CBLL1: variants seen among roughly 807,000 people sequenced by gnomAD.
CBLL1 encodes E3 ubiquitin-protein ligase Hakai.
A neutral mutation model predicts 44.9 loss-of-function variants in CBLL1; 4 were observed. The observed-to-expected ratio is 0.09, with a 90% CI of 0.04 to 0.20. CBLL1 has a LOEUF of 0.20. Among genes scored for constraint, CBLL1 ranks in the 10% least tolerant of loss-of-function variants. The probability of loss-of-function intolerance (pLI) is 1.00; values close to 1 mark genes in which losing one functional copy is unlikely to be tolerated. For missense variants in CBLL1, 569 were observed against 636.7 expected, an observed-to-expected ratio of 0.89 and a Z score of 1.14; for synonymous variants, 235 against 202.2, an observed-to-expected ratio of 1.16 and a Z score of -1.38.
intron 1 of CBLL1, chr7:107,744,970 A>G (rs1428140563): frequency 6.6e-6 from 1 of 152,176 alleles, no homozygotes; most frequent in East Asian, 1.9e-4. Context: ...TAGAGAAAAA[A>G]AGGCTTTTTC....
intron 1 of CBLL1, among the ~76,000 whole-genome samples, chr7:107,747,178 C>T (rs2115590608): frequency 6.6e-6 from 1 of 152,260 alleles, no homozygotes; most frequent in South Asian, 2.1e-4. Context: ...AAATGCTGTA[C>T]CTCATGAACT....
chr7:107,744,251 A>G (rs1792883815), intron 1 of CBLL1, 75 bp downstream of exon 1: 1 of 1,459,548 alleles, frequency 6.9e-7, no homozygotes, highest in Non-Finnish European at 9.2e-7. Context: ...CACAGCAGGC[A>G]AAAGGGATTA....
At position 107,759,872 on chromosome 7, in the gene CBLL1, G is replaced by A. The variant is rs1399373392; in HGVS notation, c.*694G>A. 1 of 152,220 alleles carries A rather than the reference G, an allele frequency of 6.6e-6. No homozygotes were observed. The highest frequency in any genetic ancestry group is 1.5e-5 in the Non-Finnish European group (1 of 67,994). The allele number at this position is 152,220 out of a possible 1,614,324, so 9.4% of individuals were successfully genotyped here. A position where few individuals can be genotyped will look rare whatever the true frequency, so the allele number is the denominator to read the frequency against. ...GGAATTCTAGTACTAAGATATATTT[G>A]TTCGTAATGTTAAAAGACATTACTA... On this transcript the variant is annotated 3_prime_UTR_variant, in exon 6 of 6. Coordinates refer to ENST00000440859, the MANE Select transcript of CBLL1 (RefSeq NM_024814.4).
chr7:107,750,966 A>G (rs1261786154), intron 2 of CBLL1, among the ~76,000 whole-genome samples: 2 of 151,906 alleles, frequency 1.3e-5, no homozygotes, highest in Non-Finnish European at 2.9e-5. Context: ...AAGGGGAAAA[A>G]AGGTGGGGTC....
At chr7:107,756,481 T>TA (rs1439150890) in intron 5 of CBLL1, among the ~76,000 whole-genome samples, 1 of 152,204 alleles carries the variant, frequency 6.6e-6, no homozygotes, top group African/African-American at 2.4e-5. Flanking sequence ...TATAGAATTA[T>TA]AATTCAGAAG....
Position 107,759,381 on chromosome 7 carries a change from G to A in CBLL1, c.*203G>A. Reference sequence around the variant, plus strand: ...TACTGTAGTACAGATAAGTGGCTCAGTTGAGCACAGCTATATTTTAACATC... The same window carrying A: ...TACTGTAGTACAGATAAGTGGCTCAATTGAGCACAGCTATATTTTAACATC... On this transcript the variant is annotated 3_prime_UTR_variant, in exon 6 of 6. Transcript: ENST00000440859. The A allele has an allele frequency of 2.2e-6, 1 of 460,044 alleles. No homozygotes were observed. Among genetic ancestry groups the A allele is most frequent in the Admixed American group, 3.8e-5 (1 of 26,310 alleles). The allele number at this position is 460,044 out of a possible 1,614,324, so 28.5% of individuals were successfully genotyped here. A position where few individuals can be genotyped will look rare whatever the true frequency, so the allele number is the denominator to read the frequency against.
At chr7:107,757,322 G>GTA (rs1221121105) in intron 5 of CBLL1, among the ~76,000 whole-genome samples, 1 of 152,088 alleles carries the variant, frequency 6.6e-6, no homozygotes, top group Non-Finnish European at 1.5e-5. Flanking sequence ...TAACCTCATT[G>GTA]TATAAATGAA....
chr7:107,745,164 T>C (rs1263937962), intron 1 of CBLL1, among the ~76,000 whole-genome samples: 1 of 152,220 alleles, frequency 6.6e-6, no homozygotes, highest in African/African-American at 2.4e-5. Flanking sequence ...TTCTGTTTTA[T>C]GGAGGAACAC....
chr7:107,744,331 G>T (rs568945455), intron 1 of CBLL1, 155 bp downstream of exon 1: 4 of 973,260 alleles, frequency 4.1e-6, no homozygotes, highest in East Asian at 3.2e-5. Flanking sequence ...TGCCCGGCAG[G>T]GGCCTGCGGT....
chr7:107,752,146 C>A (rs1793326165), intron 2 of CBLL1, among the ~76,000 whole-genome samples: 2 of 145,510 alleles, frequency 1.4e-5, no homozygotes, highest in African/African-American at 5.1e-5. Flanking sequence ...TTGCAGTGAG[C>A]GGAGATTGCG....
At position 107,748,765 on chromosome 7, in the gene CBLL1, C is replaced by G; in HGVS notation, c.14-115C>G. The stretch of plus-strand genomic sequence containing the variant: ...TTAAACTTAATGTAATATTGAAAAT[C>G]AGAACCCAGATCTTTAACCTTGATA... On this transcript the variant is annotated intron_variant, in intron 1 of 5. Transcript: ENST00000440859. The G allele has an allele frequency of 3.6e-6, 3 of 829,210 alleles. No individual in the cohort carries two copies. In the South Asian group the frequency reaches 7.1e-5, roughly 20 times the overall value. 51.4% of individuals were successfully genotyped at this position (829,210 alleles called of 1,614,324 possible).
intron 2 of CBLL1, among the ~76,000 whole-genome samples, chr7:107,752,053 G>A (rs979995448): frequency 3.3e-5 from 5 of 152,088 alleles, no homozygotes; most frequent in Non-Finnish European, 5.9e-5. Flanking sequence ...CAAAAAATTA[G>A]CTGGGTGTGG....
intron 1 of CBLL1, among the ~76,000 whole-genome samples, chr7:107,748,536 C>A (rs1392195943): frequency 1.3e-5 from 2 of 152,018 alleles, no homozygotes; most frequent in South Asian, 2.1e-4. Flanking sequence ...TTAAAAAATT[C>A]TCTTGTAGTT....
chr7:107,761,281 C>T lies in CBLL1; in HGVS notation c.*2103C>T, dbSNP rs936282747. The T allele has an allele frequency of 6.6e-6, 1 of 152,130 alleles. No homozygotes were observed. Among genetic ancestry groups the T allele is most frequent in the Non-Finnish European group, 1.5e-5 (1 of 67,892 alleles). 9.4% of individuals were successfully genotyped at this position (152,130 alleles called of 1,614,324 possible). On this transcript the variant is annotated 3_prime_UTR_variant, in exon 6 of 6. Coordinates refer to ENST00000440859, the MANE Select transcript of CBLL1 (RefSeq NM_024814.4). ...TAGCCTATGTATTGGACGAGAAAAT[C>T]AGTATCATGATAAAATTTTGAATTA...
At chr7:107,754,798 C>A (rs1283510220) in intron 4 of CBLL1, among the ~76,000 whole-genome samples, 4 of 151,646 alleles carry the variant, frequency 2.6e-5, no homozygotes, top group Non-Finnish European at 5.9e-5. Flanking sequence ...AAAAAAAAAA[C>A]ACACATAATT....
At chr7:107,757,858 G>C (rs1793599157) in intron 5 of CBLL1, among the ~76,000 whole-genome samples, 1 of 152,062 alleles carries the variant, frequency 6.6e-6, no homozygotes, top group South Asian at 2.1e-4. Flanking sequence ...AATTGTTTGA[G>C]AAAACTGGAT....
In CBLL1 at chr7:107,748,990, C is replaced by G. The variant is rs1269787103; in HGVS notation, c.124C>G (p.Pro42Ala). ...SKQANKAKPA[P>A]RTQRTINRMP... ...ACAAGCAAACAAAGCGAAACCTGCA[C>G]CGCGAACTCAAAGAACTATAAACAG... The change falls in exon 2 of 6, where the codon CCG (proline) becomes GCG (alanine). Residue 42 changes from proline to alanine, a missense_variant. By Grantham distance (27) the Pro-to-Ala change is conservative. This residue lies in a region of CBLL1 where 209 missense variants were observed against 202.8 expected (regional missense o/e 1.03). Transcript: ENST00000440859. The G allele has an allele frequency of 2.5e-6, 4 of 1,614,024 alleles. No individual in the cohort carries two copies. Among genetic ancestry groups the G allele is most frequent in the Non-Finnish European group, 2.5e-6 (3 of 1,180,018 alleles).
In CBLL1 at chr7:107,748,863, T is replaced by G. The variant is rs1167437776; in HGVS notation, c.14-17T>G. 6.4e-7 allele frequency: 1 copy of G among 1,555,452 alleles called. No homozygotes were observed. The highest frequency in any genetic ancestry group is 1.2e-5 in the South Asian group (1 of 81,030). ...AGAAAAACTAAAAGAAATTACAACT[T>G]TTTTTTCCTAACACAGACAATGAGT... On this transcript the variant is annotated splice_polypyrimidine_tract_variant and intron_variant, in intron 1 of 5. Transcript: ENST00000440859.
chr7:107,755,970 A>G (rs1011736644), intron 5 of CBLL1, among the ~76,000 whole-genome samples: 1 of 152,154 alleles, frequency 6.6e-6, no homozygotes, highest in Non-Finnish European at 1.5e-5. Context: ...ATGTACACAG[A>G]TACATATATA....
Sources: allele counts gnomAD v4.1 joint callset (sites outside exome capture counted in the v4.1 genomes callset), GRCh38; gene constraint gnomAD v4.1.1; regional missense constraint gnomAD v4.1.1; transcripts MANE v1.5; gene names NCBI Gene and HGNC (gene_info 2026-07-23, HGNC 2026-07-21).